ACYP2: variants seen among roughly 807,000 people sequenced by gnomAD.
ACYP2 encodes acylphosphatase-2.
Under a neutral mutation model 11.2 loss-of-function variants are expected in ACYP2, and 12 were observed. The observed-to-expected ratio is 1.08, with a 90% CI of 0.69 to 1.74. The LOEUF (loss-of-function observed/expected upper bound fraction) is 1.74, where lower values mean the gene tolerates loss of function less well. Among genes scored for constraint, ACYP2 ranks in the 40% most tolerant of loss-of-function variants. ACYP2 has a pLI of 0.00. For synonymous variants in ACYP2, 43 were observed against 32.2 expected, an observed-to-expected ratio of 1.33 and a Z score of -1.13; for missense variants, 134 against 101.9, an observed-to-expected ratio of 1.31 and a Z score of -1.35.
rs58842257 is a variant in ACYP2 at position 54,102,638 on chromosome 2, CAAAAAAAAAAAAAAAAAAAA to C, written c.278-32798_278-32779del. Among the ~76,000 whole-genome samples, 661 of 83,340 alleles carry C rather than the reference CAAAAAAAAAAAAAAAAAAAA, an allele frequency of 7.9e-3. 4 individuals carry two copies. The highest frequency in any genetic ancestry group is 0.012 in the Non-Finnish European group (523 of 43,294). 54.7% of individuals were successfully genotyped at this position (83,340 alleles called of 152,430 possible). ...AAACCCAATTTAAGCTGGCTTAAGC[CAAAAAAAAAAAAAAAAAAAA>C]AAAAAAAAAAAAAAAAGAATATATT... On this transcript the variant is annotated intron_variant, in intron 4 of 6. Transcript: ENST00000607452.
At chr2:53,976,594 A>G (rs1414481999) in intron 2 of ACYP2, among the ~76,000 whole-genome samples, 1 of 152,040 alleles carries the variant, frequency 6.6e-6, no homozygotes, top group Non-Finnish European at 1.5e-5. Flanking sequence ...TGCAGTTATT[A>G]GAGGAACAAG....
intron 6 of ACYP2, among the ~76,000 whole-genome samples, chr2:54,228,309 A>T (rs1464442583): frequency 6.6e-6 from 1 of 152,228 alleles, no homozygotes; most frequent in Non-Finnish European, 1.5e-5. Context: ...GATATATTGG[A>T]ACCATAACAA....
chr2:54,011,846 T>G lies in ACYP2; in HGVS notation c.62+38036T>G, dbSNP rs551919510. Among the ~76,000 whole-genome samples the G allele has an allele frequency of 1.1e-4, 17 of 152,298 alleles. No homozygotes were observed. In the South Asian group the frequency reaches 2.7e-3, roughly 24 times the overall value. ...ATAAATGCTTTCAGAGAATTTTATT[T>G]GAGTTTTAAATGGTTTCAAGTCTCT... On this transcript the variant is annotated intron_variant, in intron 2 of 6. Coordinates refer to ENST00000607452, the MANE Select transcript of ACYP2 (RefSeq NM_001320586.2).
intron 2 of ACYP2, among the ~76,000 whole-genome samples, chr2:54,036,383 C>T (rs554370927): frequency 1.8e-4 from 27 of 152,286 alleles, no homozygotes; most frequent in African/African-American, 3.1e-4. Flanking sequence ...CGTGAGCCAC[C>T]GCACCCAGCC....
intron 6 of ACYP2, among the ~76,000 whole-genome samples, chr2:54,150,064 T>A (rs1682078782): frequency 6.6e-6 from 1 of 152,204 alleles, no homozygotes; most frequent in Non-Finnish European, 1.5e-5. Context: ...ATGTATATAA[T>A]GGTGGAATTT....
chr2:54,136,412 C>A (rs1326465033), intron 5 of ACYP2, among the ~76,000 whole-genome samples: 1 of 152,100 alleles, frequency 6.6e-6, no homozygotes, highest in Admixed American at 6.6e-5. Context: ...TGAGGTGGGT[C>A]ACTAGATTAG....
At chr2:54,255,678 G>A (rs891530256) in intron 6 of ACYP2, 1 of 1,613,750 alleles carries the variant, frequency 6.2e-7, no homozygotes, top group African/African-American at 1.3e-5. Flanking sequence ...CTGGGGCTGA[G>A]AACATGGCAC....
chr2:54,245,664 C>G (rs1686915634), intron 6 of ACYP2, among the ~76,000 whole-genome samples: 1 of 148,938 alleles, frequency 6.7e-6, no homozygotes, highest in Non-Finnish European at 1.5e-5. Context: ...ATGTATGTCT[C>G]TTTTGAGAAA....
intron 4 of ACYP2, among the ~76,000 whole-genome samples, chr2:54,102,728 A>C (rs1281842386): frequency 6.8e-6 from 1 of 147,836 alleles, no homozygotes; most frequent in Non-Finnish European, 1.5e-5. Flanking sequence ...TTCTTTCAGG[A>C]ACAGGGGCTC....
intron 6 of ACYP2, among the ~76,000 whole-genome samples, chr2:54,160,541 G>A (rs964667010): frequency 6.6e-6 from 1 of 152,198 alleles, no homozygotes; most frequent in Non-Finnish European, 1.5e-5. Context: ...AATTCCCAGT[G>A]CCTTGCACAG....
intron 6 of ACYP2, among the ~76,000 whole-genome samples, chr2:54,166,133 G>C (rs1682960785): frequency 6.6e-6 from 1 of 152,284 alleles, no homozygotes; most frequent in East Asian, 1.9e-4. Context: ...TGCCTGGTTA[G>C]TCAGTCAAGG....
intron 2 of ACYP2, among the ~76,000 whole-genome samples, chr2:54,040,612 A>G (rs1463703620): frequency 1.3e-5 from 2 of 152,174 alleles, no homozygotes. Context: ...CCAGAGAAAT[A>G]GGGGAAAGAT....
chr2:54,166,367 G>A (rs1407617448), intron 6 of ACYP2, among the ~76,000 whole-genome samples: 2 of 152,144 alleles, frequency 1.3e-5, no homozygotes, highest in Non-Finnish European at 2.9e-5. Context: ...TGCCCTCAAG[G>A]ACTTGAGGAA....
intron 6 of ACYP2, among the ~76,000 whole-genome samples, chr2:54,250,629 C>G (rs1687181640): frequency 6.6e-6 from 1 of 152,240 alleles, no homozygotes; most frequent in South Asian, 2.1e-4. Flanking sequence ...CTAATTAAAT[C>G]TACCTTATGT....
At chr2:54,013,987 T>A (rs1673541843) in intron 2 of ACYP2, among the ~76,000 whole-genome samples, 1 of 151,884 alleles carries the variant, frequency 6.6e-6, no homozygotes, top group South Asian at 2.1e-4. Context: ...GTGAAGCCCC[T>A]TCTCCACTAA....
intron 2 of ACYP2, among the ~76,000 whole-genome samples, chr2:54,019,051 T>A (rs7583005): frequency 0.055 from 8,340 of 151,150 alleles, 339 homozygotes; most frequent in Non-Finnish European, 0.072. Flanking sequence ...GGCCTATTTT[T>A]TTATTATTAT....
At chr2:54,189,967 T>C (rs1684173316) in intron 6 of ACYP2, among the ~76,000 whole-genome samples, 1 of 152,188 alleles carries the variant, frequency 6.6e-6, no homozygotes, top group Non-Finnish European at 1.5e-5. Flanking sequence ...ATATTGAGCA[T>C]CTTTTCGTAT....
chr2:54,176,872 A>T (rs765255609), intron 6 of ACYP2, among the ~76,000 whole-genome samples: 115 of 152,302 alleles, frequency 7.6e-4, no homozygotes, highest in Non-Finnish European at 9.1e-4. Context: ...TCCTAGCTCT[A>T]GAGCTCGATG....
At chr2:54,146,652 T>C (rs965455001) in intron 6 of ACYP2, among the ~76,000 whole-genome samples, 18 of 152,080 alleles carry the variant, frequency 1.2e-4, no homozygotes, top group Admixed American at 2.6e-4. Flanking sequence ...TTCCAACCTT[T>C]CTATTATTTT....
Sources: allele counts gnomAD v4.1 joint callset (sites outside exome capture counted in the v4.1 genomes callset), GRCh38; gene constraint gnomAD v4.1.1; transcripts MANE v1.5; gene names NCBI Gene and HGNC (gene_info 2026-07-23, HGNC 2026-07-21).